Variants in TRPM3 observed in about 807,000 individuals in gnomAD.
TRPM3 encodes the protein long transient receptor potential channel 3.
In TRPM3, 77 loss-of-function variants were observed where a neutral mutation model predicts 181.2. That is an observed-to-expected ratio of 0.42 (90% CI 0.35 to 0.51). The LOEUF (loss-of-function observed/expected upper bound fraction) is 0.51, where lower values mean the gene tolerates loss of function less well. TRPM3 is among the 20% of genes least tolerant of loss of function. The pLI is 0.01. For missense variants in TRPM3, 1,759 were observed against 2,196.7 expected (o/e 0.80, Z 3.98); for synonymous variants, 745 against 796.4 (o/e 0.94, Z 1.09).
At chr9:70,864,536 A>AG (rs1554753065) in intron 1 of TRPM3, 25 bp from the exon 2 acceptor site, 7 of 1,455,734 alleles carry the variant, frequency 4.8e-6, no homozygotes, top group Non-Finnish European at 5.4e-6. Flanking sequence ...AAAAAAAAAA[A>AG]AAAAAGAAAA....
At chr9:71,204,479 C>G (rs909077068) in intron 1 of TRPM3, among the ~76,000 whole-genome samples, 1 of 152,128 alleles carries the variant, frequency 6.6e-6, no homozygotes, top group Admixed American at 6.6e-5. Flanking sequence ...CCATCACTGG[C>G]CGTCAGAGAA....
At chr9:70,825,650 C>T (rs1474779254) in intron 6 of TRPM3, 3 of 152,438 alleles carry the variant, frequency 2.0e-5, no homozygotes, top group East Asian at 1.9e-4. Flanking sequence ...CCGTGCCCTG[C>T]TCTTCAGCTG....
intron 1 of TRPM3, among the ~76,000 whole-genome samples, chr9:71,393,978 C>T (rs577515625): frequency 4.6e-5 from 7 of 152,128 alleles, no homozygotes; most frequent in East Asian, 3.9e-4. Flanking sequence ...GTCTGGAGAC[C>T]GCTTTACAAT....
intron 1 of TRPM3, among the ~76,000 whole-genome samples, chr9:70,929,604 C>T (rs2096755490): frequency 6.6e-6 from 1 of 152,042 alleles, no homozygotes; most frequent in African/African-American, 2.4e-5. Context: ...GAGGATGGTG[C>T]TATCTAAAAT....
chr9:71,416,050 G>T (rs553896630), intron 1 of TRPM3, among the ~76,000 whole-genome samples: 92 of 150,366 alleles, frequency 6.1e-4, no homozygotes, highest in African/African-American at 2.1e-3. Context: ...TGACAGTGAG[G>T]CTCAGATTTG....
chr9:70,898,673 G>A (rs1231806412), intron 1 of TRPM3, among the ~76,000 whole-genome samples: 3 of 148,610 alleles, frequency 2.0e-5, no homozygotes, highest in Non-Finnish European at 1.5e-5. Context: ...TCTTGAACCC[G>A]GGAGGTAGAG....
chr9:71,117,967 C>T (rs976987363), intron 1 of TRPM3, among the ~76,000 whole-genome samples: 3 of 152,164 alleles, frequency 2.0e-5, no homozygotes, highest in African/African-American at 7.2e-5. Flanking sequence ...AAAATAAAAT[C>T]TTCCAAATAA....
intron 3 of TRPM3, among the ~76,000 whole-genome samples, chr9:70,857,132 C>T (rs1381291470): frequency 1.3e-5 from 2 of 152,120 alleles, no homozygotes; most frequent in African/African-American, 2.4e-5. Flanking sequence ...TTATCTTCTC[C>T]CTTTGTCTCT....
At chr9:71,283,453 C>T (rs1303593770) in intron 1 of TRPM3, among the ~76,000 whole-genome samples, 14 of 152,040 alleles carry the variant, frequency 9.2e-5, no homozygotes, top group African/African-American at 2.9e-4. Context: ...CCCACCACCA[C>T]GCCTGGCTGA....
chr9:70,800,449 C>T (rs1213092130), intron 6 of TRPM3, among the ~76,000 whole-genome samples: 2 of 152,180 alleles, frequency 1.3e-5, no homozygotes, highest in Non-Finnish European at 2.9e-5. Context: ...GCTCAACAAC[C>T]TTCTGATAGA....
chr9:71,082,986 G>A (rs2064630635), intron 1 of TRPM3, among the ~76,000 whole-genome samples: 1 of 152,036 alleles, frequency 6.6e-6, no homozygotes, highest in Non-Finnish European at 1.5e-5. Flanking sequence ...GAGATTTCTA[G>A]CATGTCCCAA....
intron 1 of TRPM3, among the ~76,000 whole-genome samples, chr9:71,388,957 G>A (rs570878740): frequency 6.6e-6 from 1 of 152,118 alleles, no homozygotes; most frequent in South Asian, 2.1e-4. Flanking sequence ...CAAAACAACA[G>A]CTTCTTTGAG....
intron 1 of TRPM3, among the ~76,000 whole-genome samples, chr9:71,221,298 G>A (rs896926375): frequency 2.6e-5 from 4 of 152,110 alleles, no homozygotes; most frequent in Non-Finnish European, 5.9e-5. Context: ...AAAGTTTGCC[G>A]ACCCTCATCC....
At chr9:70,867,439 T>TA (rs962964595) in intron 1 of TRPM3, among the ~76,000 whole-genome samples, 2 of 152,074 alleles carry the variant, frequency 1.3e-5, no homozygotes, top group Non-Finnish European at 2.9e-5. Context: ...AGCGTTTCAG[T>TA]AAAAAAGTAA....
intron 8 of TRPM3, among the ~76,000 whole-genome samples, chr9:70,692,659 G>T (rs2068948307): frequency 6.6e-6 from 1 of 152,174 alleles, no homozygotes; most frequent in Non-Finnish European, 1.5e-5. Flanking sequence ...CTCTCTATTT[G>T]CACTACTACC....
At chr9:71,067,889 T>G (rs577845833) in intron 1 of TRPM3, among the ~76,000 whole-genome samples, 46 of 152,316 alleles carry the variant, frequency 3.0e-4, no homozygotes, top group African/African-American at 1.1e-3. Flanking sequence ...CATTAGATTG[T>G]TGTTTCATCA....
chr9:71,435,734 T>A (rs534103680), intron 1 of TRPM3, among the ~76,000 whole-genome samples: 1 of 152,314 alleles, frequency 6.6e-6, no homozygotes, highest in African/African-American at 2.4e-5. Context: ...CATCCTAATT[T>A]CCAGAACCTG....
At chr9:70,572,546 A>AT (rs1329278321) in intron 22 of TRPM3, among the ~76,000 whole-genome samples, 1 of 152,044 alleles carries the variant, frequency 6.6e-6, no homozygotes, top group Non-Finnish European at 1.5e-5. Context: ...ACAGTCTCTC[A>AT]TTTTTTATGA....
intron 5 of TRPM3, among the ~76,000 whole-genome samples, chr9:70,833,600 C>G (rs1173114088): frequency 2.0e-5 from 3 of 152,094 alleles, no homozygotes; most frequent in African/African-American, 7.2e-5. Flanking sequence ...ATTTGCCCCA[C>G]TAATCCTACT....
Sources: allele counts gnomAD v4.1 joint callset (sites outside exome capture counted in the v4.1 genomes callset), GRCh38; gene constraint gnomAD v4.1.1; transcripts MANE v1.5; gene names NCBI Gene and HGNC (gene_info 2026-07-23, HGNC 2026-07-21).